Variants in SOX5 observed in about 807,000 individuals in gnomAD.
SOX5 encodes the protein transcription factor SOX-5.
SOX5 carries 9 observed loss-of-function variants against 92.0 expected under a neutral mutation model. The observed-to-expected ratio is 0.10, with a 90% CI of 0.06 to 0.17. The LOEUF (loss-of-function observed/expected upper bound fraction) is 0.17. SOX5 is among the 10% of genes least tolerant of loss of function. The pLI is 1.00. For missense variants in SOX5, 642 were observed against 944.5 expected, an observed-to-expected ratio of 0.68 and a Z score of 4.20; for synonymous variants, 344 against 336.3, an observed-to-expected ratio of 1.02 and a Z score of -0.25.
intron 3 of SOX5, among the ~76,000 whole-genome samples, chr12:23,768,153 A>C (rs1208213263): frequency 6.6e-6 from 1 of 152,182 alleles, no homozygotes; most frequent in Non-Finnish European, 1.5e-5. Context: ...AAACATAAGC[A>C]GTTAAAAAAT....
chr12:24,247,475 G>T (rs1055394888), intron 3 of SOX5, among the ~76,000 whole-genome samples: 1 of 152,070 alleles, frequency 6.6e-6, no homozygotes, highest in African/African-American at 2.4e-5. Flanking sequence ...CCCAGGAATA[G>T]GAGAGAACTT....
intron 4 of SOX5, among the ~76,000 whole-genome samples, chr12:24,112,109 A>G (rs146334600): frequency 8.5e-4 from 129 of 152,350 alleles, no homozygotes; most frequent in Non-Finnish European, 1.4e-3. Context: ...TGGCTTCGCT[A>G]TCAAAGTGCA....
At chr12:24,250,784 A>T (rs1939880995) in intron 3 of SOX5, among the ~76,000 whole-genome samples, 1 of 152,228 alleles carries the variant, frequency 6.6e-6, no homozygotes, top group Admixed American at 6.5e-5. Context: ...CAGAAGACAG[A>T]TGCCAAGGTC....
chr12:23,713,269 C>T (rs1250963127), intron 6 of SOX5, among the ~76,000 whole-genome samples: 3 of 152,188 alleles, frequency 2.0e-5, no homozygotes, highest in Non-Finnish European at 4.4e-5. Context: ...GATGCTTCCT[C>T]AGAGCCTCCA....
intron 4 of SOX5, among the ~76,000 whole-genome samples, chr12:24,182,808 G>A (rs1296142656): frequency 6.6e-6 from 1 of 152,272 alleles, no homozygotes; most frequent in Non-Finnish European, 1.5e-5. Flanking sequence ...CCGCCTCACA[G>A]GTTCAAGCAA....
chr12:24,533,806 C>T (rs1951395305), intron 1 of SOX5, among the ~76,000 whole-genome samples: 2 of 152,204 alleles, frequency 1.3e-5, no homozygotes, highest in African/African-American at 4.8e-5. Context: ...AAGGATAATA[C>T]AGAAAATGTA....
intron 10 of SOX5, among the ~76,000 whole-genome samples, chr12:23,573,404 T>C (rs1290076547): frequency 1.3e-5 from 2 of 152,214 alleles, no homozygotes; most frequent in Admixed American, 1.3e-4. Context: ...CCTAAGGCTC[T>C]TATTCTTCAT....
At chr12:23,708,998 T>C (rs2140330804) in intron 6 of SOX5, among the ~76,000 whole-genome samples, 1 of 152,260 alleles carries the variant, frequency 6.6e-6, no homozygotes, top group African/African-American at 2.4e-5. Flanking sequence ...GCTGGAAAAT[T>C]GTTGTATTGA....
At chr12:24,007,881 G>A (rs1389313860) in intron 4 of SOX5, among the ~76,000 whole-genome samples, 6 of 150,002 alleles carry the variant, frequency 4.0e-5, no homozygotes, top group Non-Finnish European at 8.9e-5. Context: ...GGTTACTTAA[G>A]TCCTTAATAT....
At chr12:23,661,861 G>A (rs1163515065) in intron 7 of SOX5, among the ~76,000 whole-genome samples, 2 of 151,978 alleles carry the variant, frequency 1.3e-5, no homozygotes, top group East Asian at 1.9e-4. Flanking sequence ...AACTTAAAGG[G>A]CTGCAATAAT....
At chr12:23,887,815 CTGAGT>C (rs951838095) in intron 2 of SOX5, among the ~76,000 whole-genome samples, 14 of 150,706 alleles carry the variant, frequency 9.3e-5, no homozygotes, top group South Asian at 2.1e-4. Flanking sequence ...TTTATTCTTC[CTGAGT>C]TATTTCTGTT....
chr12:24,231,452 T>C (rs1963383686), intron 3 of SOX5, among the ~76,000 whole-genome samples: 1 of 152,166 alleles, frequency 6.6e-6, no homozygotes, highest in East Asian at 1.9e-4. Context: ...AAGCATATGG[T>C]TCAACCAACT....
chr12:23,704,968 C>T (rs1477193219), intron 6 of SOX5, among the ~76,000 whole-genome samples: 1 of 151,424 alleles, frequency 6.6e-6, no homozygotes, highest in African/African-American at 2.4e-5. Context: ...ACAGATGTTA[C>T]TTGAATATTT....
chr12:24,016,875 C>T (rs1490380244), intron 4 of SOX5, among the ~76,000 whole-genome samples: 3 of 152,096 alleles, frequency 2.0e-5, no homozygotes, highest in Non-Finnish European at 4.4e-5. Context: ...CTAGATTTTC[C>T]GTAGATTTGA....
intron 1 of SOX5, among the ~76,000 whole-genome samples, chr12:24,429,194 G>A (rs1422428734): frequency 6.6e-6 from 1 of 152,118 alleles, no homozygotes; most frequent in Non-Finnish European, 1.5e-5. Context: ...GCAGGCGCCT[G>A]TAGTCCCAGC....
At chr12:23,761,121 A>G (rs1466743084) in intron 3 of SOX5, among the ~76,000 whole-genome samples, 2 of 152,148 alleles carry the variant, frequency 1.3e-5, no homozygotes, top group Admixed American at 6.6e-5. Flanking sequence ...ATTTCAAAAT[A>G]TACCAATATC....
rs150961874 is a variant in SOX5 at position 24,354,850 on chromosome 12, G to A, written c.-174+13713C>T. Among the ~76,000 whole-genome samples the A allele has an allele frequency of 2.8e-3, 432 of 152,168 alleles. 5 individuals are homozygous for A. Among genetic ancestry groups the A allele is most frequent in the African/African-American group, 9.9e-3 (411 of 41,526 alleles). On this transcript the variant is annotated intron_variant, in intron 2 of 4. Transcript: ENST00000446891. ...TTTTTATTTTAATGATTAAATTTGTGCGACTGGTATCATGAAATAAGAGGC... is the reference window on the plus strand; with the variant it reads ...TTTTTATTTTAATGATTAAATTTGTACGACTGGTATCATGAAATAAGAGGC...
intron 6 of SOX5, among the ~76,000 whole-genome samples, chr12:23,717,403 C>T (rs1394559924): frequency 6.6e-6 from 1 of 152,124 alleles, no homozygotes; most frequent in Non-Finnish European, 1.5e-5. Context: ...AGCCCTCAAC[C>T]ATAATTTTTT....
At chr12:23,666,716 G>T (rs1353913772) in intron 6 of SOX5, among the ~76,000 whole-genome samples, 2 of 152,084 alleles carry the variant, frequency 1.3e-5, no homozygotes, top group Admixed American at 1.3e-4. Context: ...ACTGAGCTAG[G>T]CAGTAGAGAT....
Sources: allele counts gnomAD v4.1 joint callset (sites outside exome capture counted in the v4.1 genomes callset), GRCh38; gene constraint gnomAD v4.1.1; transcripts MANE v1.5; gene names NCBI Gene and HGNC (gene_info 2026-07-23, HGNC 2026-07-21).